Variants in JRK observed in about 807,000 individuals in gnomAD.
The protein encoded by JRK is jerky protein homolog.
For synonymous variants in JRK, 303 were observed against 218.1 expected (o/e 1.39, Z -3.43); for missense variants, 720 against 509.2 (o/e 1.41, Z -3.98).
chr8:142,664,581 G>C lies in JRK; in HGVS notation c.1478C>G (p.Ala493Gly). ...CGCAAAGCGCAGGACTGCGTCAAAG[G>C]CCACGGCCGCCTGCTCCCAGGCCAC... is the stretch of plus-strand genomic sequence containing the variant. ...EEVAWEQAAV[A>G]FDAVLRFAER... The change falls in exon 2 of 2, where the codon GCC (alanine) becomes GGC (glycine). Residue 493 changes from alanine to glycine, a missense_variant. Transcript: ENST00000612905. 3 of 1,608,416 alleles carry C rather than the reference G, an allele frequency of 1.9e-6. No individual in the cohort carries two copies. Among genetic ancestry groups the C allele is most frequent in the Non-Finnish European group, 2.5e-6 (3 of 1,178,586 alleles).
In JRK at chr8:142,660,934, G is replaced by C. The variant is rs1048094524; in HGVS notation, c.*3418C>G. ...CTTTAACTGGGGACAACTGATGACA[G>C]TCCTCCAACCCCAGCGAGCTGGGGA... On this transcript the variant is annotated 3_prime_UTR_variant, in exon 2 of 2. Transcript: ENST00000612905. 2 of 985,360 alleles carry C rather than the reference G, an allele frequency of 2.0e-6. No homozygotes were observed. 61.0% of individuals were successfully genotyped at this position (985,360 alleles called of 1,614,324 possible). A position where few individuals can be genotyped will look rare whatever the true frequency, so the allele number is the denominator to read the frequency against.
Position 142,666,614 on chromosome 8 carries a change from G to T in JRK, c.-462-94C>A, listed in dbSNP as rs1847135711. The T allele has an allele frequency of 1.6e-5, 3 of 193,242 alleles. No homozygotes were observed. In the East Asian group the frequency reaches 3.6e-4, roughly 23 times the overall value. 12.0% of individuals were successfully genotyped at this position (193,242 alleles called of 1,614,324 possible). On this transcript the variant is annotated intron_variant, in intron 1 of 1. Transcript: ENST00000612905. ...CTCTCCTCACCGGGACACTCCAGCT[G>T]AAACTCAAGGGCTGTTGAGAGGACC...
At chr8:142,644,399 A>G in the JRK span, among the ~76,000 whole-genome samples, 3 of 152,142 alleles carry the variant, frequency 2.0e-5, no homozygotes, top group African/African-American at 7.2e-5. Context: ...GAAGTTTCCT[A>G]TGATTTGGGA....
Position 142,662,854 on chromosome 8 carries a change from A to G in JRK, c.*1498T>C, listed in dbSNP as rs1277404198. ...AATTCAAGGGCAAAGCACTGAAAAT[A>G]ACATAGCAAGAAAAACCTATTTAGG... is the stretch of plus-strand genomic sequence containing the variant. On this transcript the variant is annotated 3_prime_UTR_variant, in exon 2 of 2. Coordinates refer to ENST00000612905, the MANE Select transcript of JRK (RefSeq NM_003724.4). 4.6e-5 allele frequency: 45 copies of G among 985,292 alleles called. No individual in the cohort carries two copies. The highest frequency in any genetic ancestry group is 5.3e-5 in the Non-Finnish European group (44 of 829,910). 61.0% of individuals were successfully genotyped at this position (985,292 alleles called of 1,614,324 possible).
Position 142,660,283 on chromosome 8 carries a change from G to A in JRK, c.*4069C>T. ...AGCCCTGCCCAGGCCCTGCCTCCCA[G>A]GCCACCACCCACCCCTCACGGCTGC... On this transcript the variant is annotated 3_prime_UTR_variant, in exon 2 of 2. Transcript: ENST00000612905. The A allele has an allele frequency of 2.0e-6, 2 of 985,762 alleles. No individual in the cohort carries two copies. The highest frequency in any genetic ancestry group is 4.7e-5 in the South Asian group (1 of 21,306). The allele number at this position is 985,762 out of a possible 1,614,324, so 61.1% of individuals were successfully genotyped here.
chr8:142,646,633 A>G, the JRK span, among the ~76,000 whole-genome samples: 1 of 152,210 alleles, frequency 6.6e-6, no homozygotes, highest in Non-Finnish European at 1.5e-5. Context: ...TTCTAATATT[A>G]CTTTACCAAT....
rs1846969265 is a variant in JRK at position 142,663,107 on chromosome 8, C to T, written c.*1245G>A. On this transcript the variant is annotated 3_prime_UTR_variant, in exon 2 of 2. Transcript: ENST00000612905. ...GGTCGAGGCTGCAGTGAGCTGGGAT[C>T]ACACCACTTCACTCCAGCCTGGTCA... The T allele has an allele frequency of 1.1e-6, 1 of 943,826 alleles. No homozygotes were observed. Among genetic ancestry groups the T allele is most frequent in the African/African-American group, 1.8e-5 (1 of 56,456 alleles). 58.5% of individuals were successfully genotyped at this position (943,826 alleles called of 1,614,324 possible). A position where few individuals can be genotyped will look rare whatever the true frequency, so the allele number is the denominator to read the frequency against.
chr8:142,658,834 TGTGGC>T lies in JRK; in HGVS notation c.*5513_*5517del, dbSNP rs1587514161. On this transcript the variant is annotated 3_prime_UTR_variant, in exon 2 of 2. Coordinates refer to ENST00000612905, the MANE Select transcript of JRK (RefSeq NM_003724.4). ...AGAGGGGTCTTACCCAGCACTGCCA[TGTGGC>T]AGAAGTTCTCCAACATTATGTCTCT... 1 of 1,609,062 alleles carries T rather than the reference TGTGGC, an allele frequency of 6.2e-7. No individual in the cohort carries two copies. Among genetic ancestry groups the T allele is most frequent in the East Asian group, 2.2e-5 (1 of 44,770 alleles).
Position 142,660,407 on chromosome 8 carries a change from T to G in JRK, c.*3945A>C, listed in dbSNP as rs1226246360. 1 of 985,442 alleles carries G rather than the reference T, an allele frequency of 1.0e-6. No individual in the cohort carries two copies. The highest frequency in any genetic ancestry group is 1.7e-5 in the African/African-American group (1 of 57,224). 61.0% of individuals were successfully genotyped at this position (985,442 alleles called of 1,614,324 possible). A position where few individuals can be genotyped will look rare whatever the true frequency, so the allele number is the denominator to read the frequency against. On this transcript the variant is annotated 3_prime_UTR_variant, in exon 2 of 2. Coordinates refer to ENST00000612905, the MANE Select transcript of JRK (RefSeq NM_003724.4). ...CACCTGACCCCAAAGCACATTTTGTTATTTTTTGTTTTTAGAGATTAGGTC... is the reference window on the plus strand; with the variant it reads ...CACCTGACCCCAAAGCACATTTTGTGATTTTTTGTTTTTAGAGATTAGGTC...
chr8:142,654,142 C>T (rs1047331773), downstream of JRK, among the ~76,000 whole-genome samples: 2 of 152,136 alleles, frequency 1.3e-5, no homozygotes, highest in Admixed American at 1.3e-4. Context: ...GGGGAAGCTG[C>T]AGGGGAGGAG....
rs1554635375 is a variant in JRK, at chr8:142,664,872, G to A, written c.1187C>T (p.Ser396Phe). 6.8e-7 allele frequency: 1 copy of A among 1,459,928 alleles called. No individual in the cohort carries two copies. 90.4% of individuals were successfully genotyped at this position (1,459,928 alleles called of 1,614,324 possible). Residue 396 changes from serine (S) to phenylalanine (F), a missense_variant, in exon 2 of 2, where the codon TCC becomes TTC. Physicochemically the swap from Ser to Phe is radical, Grantham distance 155 (BLOSUM62 -2). Transcript: ENST00000612905. ...WPSVAFAEGS[S>F]SEEELEAECF... ...CTCTGCCTCCAACTCCTCCTCAGAG[G>A]AGGAGCCTTCGGCAAACGCAACCGA... is the stretch of plus-strand genomic sequence containing the variant.
Position 142,663,023 on chromosome 8 carries a change from C to T in JRK, c.*1329G>A, listed in dbSNP as rs959469123. On this transcript the variant is annotated 3_prime_UTR_variant, in exon 2 of 2. Transcript: ENST00000612905. ...AAAAAAATAAAAAGGCGCGGTGGTG[C>T]GTGCCTCTAGTCCCAGCTACTCAGG... 38 of 559,220 alleles carry T rather than the reference C, an allele frequency of 6.8e-5. 1 individual carries two copies. The East Asian group carries it at 3.9e-3, about 58-fold the overall frequency. The allele number at this position is 559,220 out of a possible 1,614,324, so 34.6% of individuals were successfully genotyped here. A position where few individuals can be genotyped will look rare whatever the true frequency, so the allele number is the denominator to read the frequency against.
chr8:142,659,943 A>C lies in JRK; in HGVS notation c.*4409T>G. 4.1e-6 allele frequency: 4 copies of C among 985,582 alleles called. No homozygotes were observed. Among genetic ancestry groups the C allele is most frequent in the Non-Finnish European group, 4.8e-6 (4 of 829,994 alleles). 61.1% of individuals were successfully genotyped at this position (985,582 alleles called of 1,614,324 possible). On this transcript the variant is annotated 3_prime_UTR_variant, in exon 2 of 2. Coordinates refer to ENST00000612905, the MANE Select transcript of JRK (RefSeq NM_003724.4). Reference sequence around the variant, plus strand: ...CTGCAAGGGAAACAACAGATGTGCAAGGTCTGAGGGTCCATGTGTAGAAGC... The same window carrying C: ...CTGCAAGGGAAACAACAGATGTGCACGGTCTGAGGGTCCATGTGTAGAAGC...
the JRK span, among the ~76,000 whole-genome samples, chr8:142,646,467 A>G: frequency 6.6e-6 from 1 of 152,228 alleles, no homozygotes; most frequent in South Asian, 2.1e-4. Flanking sequence ...GTGTCTTATT[A>G]AAGATTACAC....
At chr8:142,645,511 C>T in the JRK span, among the ~76,000 whole-genome samples, 3 of 151,944 alleles carry the variant, frequency 2.0e-5, no homozygotes, top group Non-Finnish European at 2.9e-5. Context: ...AACCCCGTCT[C>T]TACTAAAAAT....
intron 1 of JRK, among the ~76,000 whole-genome samples, chr8:142,667,043 AC>A (rs1189821693): frequency 6.6e-6 from 1 of 151,886 alleles, no homozygotes; most frequent in Admixed American, 6.6e-5. Flanking sequence ...GATCTTACAA[AC>A]CCCATCTGGA....
the JRK span, among the ~76,000 whole-genome samples, chr8:142,651,167 GA>G: frequency 6.6e-6 from 1 of 151,758 alleles, no homozygotes; most frequent in African/African-American, 2.4e-5. Flanking sequence ...TCTAAGAGAG[GA>G]AAAAAACAAA....
At chr8:142,644,363 G>C in the JRK span, among the ~76,000 whole-genome samples, 1 of 152,006 alleles carries the variant, frequency 6.6e-6, no homozygotes. Flanking sequence ...TACTGATAAT[G>C]TACACTAAGT....
rs1846968492 is a variant in JRK at position 142,663,082 on chromosome 8, G to C, written c.*1270C>G. The C allele has an allele frequency of 8.1e-6, 7 of 859,744 alleles. No homozygotes were observed. Among genetic ancestry groups the C allele is most frequent in the Non-Finnish European group, 8.4e-6 (6 of 715,428 alleles). 53.3% of individuals were successfully genotyped at this position (859,744 alleles called of 1,614,324 possible). A position where few individuals can be genotyped will look rare whatever the true frequency, so the allele number is the denominator to read the frequency against. On this transcript the variant is annotated 3_prime_UTR_variant, in exon 2 of 2. Coordinates refer to ENST00000612905, the MANE Select transcript of JRK (RefSeq NM_003724.4). ...GCGGGAGGATCACTCAAGCCAGGGA[G>C]GTCGAGGCTGCAGTGAGCTGGGATC...
Sources: allele counts gnomAD v4.1 joint callset (sites outside exome capture counted in the v4.1 genomes callset), GRCh38; gene constraint gnomAD v4.1.1; transcripts MANE v1.5; gene names NCBI Gene and HGNC (gene_info 2026-07-23, HGNC 2026-07-21).